The following CNTNAP5 variants were observed in gnomAD, a reference collection of about 807,000 sequenced individuals.
CNTNAP5 encodes the protein contactin-associated protein-like 5.
Under a neutral mutation model 150.2 loss-of-function variants are expected in CNTNAP5, and 72 were observed. The ratio of observed to expected loss-of-function variants is 0.48; its 90% CI spans 0.40 to 0.58. The LOEUF (loss-of-function observed/expected upper bound fraction) is 0.58. CNTNAP5 is among the 20% of genes least tolerant of loss of function. The pLI, the probability that CNTNAP5 is intolerant of heterozygous loss-of-function variation, is 0.00. For missense variants in CNTNAP5, 1,636 were observed against 1,626.2 expected, an observed-to-expected ratio of 1.01 and a Z score of -0.10; for synonymous variants, 672 against 619.8, an observed-to-expected ratio of 1.08 and a Z score of -1.25.
At chr2:124,165,187 A>C (rs989855059) in intron 1 of CNTNAP5, among the ~76,000 whole-genome samples, 1 of 152,198 alleles carries the variant, frequency 6.6e-6, no homozygotes, top group African/African-American at 2.4e-5. Flanking sequence ...GTTCATAGTC[A>C]AAGCCACAGT....
intron 16 of CNTNAP5, among the ~76,000 whole-genome samples, chr2:124,768,895 G>C (rs568613509): frequency 6.6e-6 from 1 of 152,290 alleles, no homozygotes; most frequent in Non-Finnish European, 1.5e-5. Flanking sequence ...AAATGTGGCT[G>C]CCATCAGATC....
intron 1 of CNTNAP5, among the ~76,000 whole-genome samples, chr2:124,041,886 G>A (rs981319842): frequency 5.3e-5 from 8 of 152,128 alleles, no homozygotes; most frequent in African/African-American, 1.7e-4. Flanking sequence ...ATTTGAGACA[G>A]AGTCTCACTC....
chr2:124,519,305 T>C (rs1333416853), intron 8 of CNTNAP5, among the ~76,000 whole-genome samples: 1 of 151,752 alleles, frequency 6.6e-6, no homozygotes. Context: ...TTAAAAACCA[T>C]TGGGTTTCAC....
intron 3 of CNTNAP5, among the ~76,000 whole-genome samples, chr2:124,377,754 A>G (rs1460039495): frequency 6.6e-6 from 1 of 152,024 alleles, no homozygotes; most frequent in East Asian, 1.9e-4. Flanking sequence ...TGGGGGAAAA[A>G]AAATAAATTT....
intron 8 of CNTNAP5, among the ~76,000 whole-genome samples, chr2:124,521,093 C>T (rs1357736671): frequency 1.3e-5 from 2 of 152,150 alleles, no homozygotes; most frequent in Non-Finnish European, 2.9e-5. Context: ...AGCTTCTTTC[C>T]TTTCTCTTCT....
At chr2:124,508,295 C>A (rs78724576) in intron 8 of CNTNAP5, among the ~76,000 whole-genome samples, 3,719 of 152,230 alleles carry the variant, frequency 0.024, 104 homozygotes, top group Non-Finnish European at 0.037. Context: ...TATTAGATTT[C>A]CAGTAATGGA....
At chr2:124,153,938 T>C (rs1166989370) in intron 1 of CNTNAP5, among the ~76,000 whole-genome samples, 3 of 152,032 alleles carry the variant, frequency 2.0e-5, no homozygotes, top group African/African-American at 7.2e-5. Flanking sequence ...TTTTTTTTAA[T>C]AGGACATTAA....
Position 124,917,318 on chromosome 2 carries a change from T to C in CNTNAP5, c.*3030T>C, listed in dbSNP as rs1449695585. Among the ~76,000 whole-genome samples the C allele has an allele frequency of 1.3e-5, 2 of 152,078 alleles. No homozygotes were observed. Among genetic ancestry groups the C allele is most frequent in the African/African-American group, 4.8e-5 (2 of 41,446 alleles). Reference sequence around the variant, plus strand: ...CATTTTAATGGAGCTGTTTCATTGATATTTTTTTCCACCAAACAAATCTAT... The same window carrying C: ...CATTTTAATGGAGCTGTTTCATTGACATTTTTTTCCACCAAACAAATCTAT... On this transcript the variant is annotated 3_prime_UTR_variant, in exon 24 of 24. Coordinates refer to ENST00000682447, the MANE Select transcript of CNTNAP5 (RefSeq NM_001367498.1).
chr2:124,773,055 T>C, intron 17 of CNTNAP5, 38 bp downstream of exon 17: 1 of 1,534,886 alleles, frequency 6.5e-7, no homozygotes, highest in South Asian at 1.1e-5. Context: ...TGCTAAACCC[T>C]GCAAGATCAC....
chr2:124,408,538 A>G (rs1484242080), intron 3 of CNTNAP5, among the ~76,000 whole-genome samples: 14 of 151,894 alleles, frequency 9.2e-5, no homozygotes, highest in Admixed American at 9.2e-4. Context: ...TGGAGATCTG[A>G]GAACGGGCAG....
chr2:124,416,680 T>A (rs1415849157), intron 3 of CNTNAP5, among the ~76,000 whole-genome samples: 2 of 152,132 alleles, frequency 1.3e-5, no homozygotes, highest in African/African-American at 2.4e-5. Context: ...CTTCTTTTTT[T>A]AAAAAATCTG....
intron 3 of CNTNAP5, among the ~76,000 whole-genome samples, chr2:124,356,773 G>A (rs570314833): frequency 3.9e-4 from 59 of 151,868 alleles, no homozygotes; most frequent in Middle Eastern, 6.8e-3. Context: ...ACATACGTGT[G>A]CATGTGTCTT....
At chr2:124,344,415 G>A (rs1482746742) in intron 3 of CNTNAP5, among the ~76,000 whole-genome samples, 1 of 151,998 alleles carries the variant, frequency 6.6e-6, no homozygotes, top group Admixed American at 6.6e-5. Flanking sequence ...ACATTTGGTA[G>A]ACATCCTCCT....
chr2:124,214,053 G>T (rs1400104418), intron 1 of CNTNAP5, among the ~76,000 whole-genome samples: 1 of 152,148 alleles, frequency 6.6e-6, no homozygotes, highest in Non-Finnish European at 1.5e-5. Context: ...TTTAGATATT[G>T]CAGAGACTCT....
intron 3 of CNTNAP5, among the ~76,000 whole-genome samples, chr2:124,279,720 C>G (rs920571818): frequency 6.6e-6 from 1 of 152,168 alleles, no homozygotes; most frequent in East Asian, 1.9e-4. Context: ...TCTTCTCACC[C>G]GGCTGTAAAT....
intron 13 of CNTNAP5, among the ~76,000 whole-genome samples, chr2:124,734,340 G>T (rs547284261): frequency 8.6e-5 from 13 of 151,994 alleles, no homozygotes; most frequent in African/African-American, 1.7e-4. Context: ...ATGAGAGAAC[G>T]TTTGACACAG....
At chr2:124,082,962 G>A (rs1017422898) in intron 1 of CNTNAP5, among the ~76,000 whole-genome samples, 1 of 152,118 alleles carries the variant, frequency 6.6e-6, no homozygotes, top group Admixed American at 6.5e-5. Flanking sequence ...TTCTCTTTAT[G>A]TCATTTGCCC....
chr2:124,770,120 G>T (rs1681158506), intron 16 of CNTNAP5, among the ~76,000 whole-genome samples: 1 of 152,086 alleles, frequency 6.6e-6, no homozygotes, highest in African/African-American at 2.4e-5. Flanking sequence ...TAATAACTTG[G>T]TATAAAACTG....
At chr2:124,541,619 A>G (rs1265647986) in intron 10 of CNTNAP5, among the ~76,000 whole-genome samples, 1 of 152,162 alleles carries the variant, frequency 6.6e-6, no homozygotes, top group Non-Finnish European at 1.5e-5. Flanking sequence ...AGGGGGATAA[A>G]TGAGAACATG....
Sources: allele counts gnomAD v4.1 joint callset (sites outside exome capture counted in the v4.1 genomes callset), GRCh38; gene constraint gnomAD v4.1.1; transcripts MANE v1.5; gene names NCBI Gene and HGNC (gene_info 2026-07-23, HGNC 2026-07-21).